CIMAP2: variants seen among roughly 807,000 people sequenced by gnomAD.
The protein encoded by CIMAP2 is ciliary microtubule-associated protein 2.
chr1:54,809,937 C>A, the CIMAP2 span, among the ~76,000 whole-genome samples: 1 of 152,156 alleles, frequency 6.6e-6, no homozygotes, highest in Non-Finnish European at 1.5e-5. Context: ...CACACTCCCC[C>A]TCTCCAATTA....
chr1:54,837,231 C>A, the CIMAP2 span, among the ~76,000 whole-genome samples: 1 of 152,090 alleles, frequency 6.6e-6, no homozygotes, highest in African/African-American at 2.4e-5. Context: ...GCATTTATAG[C>A]CCATGTCCCC....
chr1:54,806,976 G>A, the CIMAP2 span: 1 of 1,605,546 alleles, frequency 6.2e-7, no homozygotes, highest in Non-Finnish European at 8.5e-7. Flanking sequence ...GGCTCTCACT[G>A]GGCCACCGTC....
the CIMAP2 span, among the ~76,000 whole-genome samples, chr1:54,838,546 T>G: frequency 6.6e-6 from 1 of 152,010 alleles, no homozygotes; most frequent in African/African-American, 2.4e-5. Context: ...AATAATTGCT[T>G]TTATTATATA....
the CIMAP2 span, chr1:54,807,760 G>GT: frequency 6.6e-7 from 1 of 1,518,474 alleles, no homozygotes; most frequent in Non-Finnish European, 8.8e-7. Context: ...GCTGCTCTGT[G>GT]TGGCCTTCAG....
chr1:54,807,914 A>G, the CIMAP2 span: 1 of 1,604,962 alleles, frequency 6.2e-7, no homozygotes, highest in East Asian at 2.2e-5. Flanking sequence ...CCCGGCTCCT[A>G]CAACCTCAAA....
the CIMAP2 span, among the ~76,000 whole-genome samples, chr1:54,840,813 A>G: frequency 6.6e-6 from 1 of 152,358 alleles, no homozygotes; most frequent in East Asian, 1.9e-4. Flanking sequence ...ATTTTAAACA[A>G]ATGGGCTGCT....
the CIMAP2 span, among the ~76,000 whole-genome samples, chr1:54,840,808 A>T: frequency 6.6e-6 from 1 of 152,238 alleles, no homozygotes; most frequent in African/African-American, 2.4e-5. Flanking sequence ...TGCACATTTT[A>T]AACAAATGGG....
the CIMAP2 span, among the ~76,000 whole-genome samples, chr1:54,826,774 C>G: frequency 6.6e-6 from 1 of 152,218 alleles, no homozygotes; most frequent in Non-Finnish European, 1.5e-5. Flanking sequence ...TGATCCTGGC[C>G]AGGCCAGCTG....
chr1:54,811,766 C>CGGGGGGGGGCGGG, the CIMAP2 span: 1 of 1,305,190 alleles, frequency 7.7e-7, no homozygotes, highest in Non-Finnish European at 1.1e-6. Context: ...GTTCTGACAG[C>CGGGGGGGGGCGGG]CTCCATGCCC....
the CIMAP2 span, chr1:54,807,138 C>T: frequency 9.2e-6 from 14 of 1,516,740 alleles, no homozygotes; most frequent in South Asian, 1.0e-4. Context: ...ACTGCCCCTT[C>T]GAGCTGCCTG....
At chr1:54,813,127 TTTTG>T in the CIMAP2 span, among the ~76,000 whole-genome samples, 1 of 146,738 alleles carries the variant, frequency 6.8e-6, no homozygotes, top group Non-Finnish European at 1.5e-5. Context: ...CGCTGTTTGC[TTTTG>T]TTTGTGAGAC....
At chr1:54,807,883 G>A in the CIMAP2 span, 4 of 1,570,656 alleles carry the variant, frequency 2.5e-6, no homozygotes, top group Admixed American at 2.0e-5. Flanking sequence ...TCTTCTCTTG[G>A]CACAGGAGCA....
At chr1:54,806,934 C>T in the CIMAP2 span, 8 of 1,489,266 alleles carry the variant, frequency 5.4e-6, no homozygotes, top group South Asian at 6.8e-5. Flanking sequence ...TGCTCCAGAA[C>T]TGCCCACGCC....
chr1:54,821,959 C>T, the CIMAP2 span, among the ~76,000 whole-genome samples: 4 of 77,226 alleles, frequency 5.2e-5, no homozygotes, highest in South Asian at 3.6e-4. Context: ...AGTGCAGTGG[C>T]GGGATCTCGG....
At chr1:54,811,674 G>A in the CIMAP2 span, 19,052 of 1,138,376 alleles carry the variant, frequency 0.017, 240 homozygotes, top group South Asian at 0.036. Context: ...GGTAGCAAGC[G>A]GACACCCTGA....
the CIMAP2 span, among the ~76,000 whole-genome samples, chr1:54,816,321 A>T: frequency 6.6e-6 from 1 of 152,150 alleles, no homozygotes; most frequent in East Asian, 1.9e-4. Context: ...ACCCCTCAGG[A>T]CTGCTTCTCT....
chr1:54,810,564 GC>G, the CIMAP2 span, among the ~76,000 whole-genome samples: 1 of 152,148 alleles, frequency 6.6e-6, no homozygotes, highest in Non-Finnish European at 1.5e-5. Context: ...AGAGGTCCCT[GC>G]CCTTCCCGCC....
chr1:54,808,884 C>T, the CIMAP2 span, among the ~76,000 whole-genome samples: 1 of 152,032 alleles, frequency 6.6e-6, no homozygotes, highest in Non-Finnish European at 1.5e-5. Context: ...CTGTTATCCT[C>T]CCAGCCCCTC....
chr1:54,816,977 T>C, the CIMAP2 span: 1 of 1,614,064 alleles, frequency 6.2e-7, no homozygotes, highest in Non-Finnish European at 8.5e-7. Context: ...TGCCATCCTC[T>C]CCCTGTTGCA....
Sources: allele counts gnomAD v4.1 joint callset (sites outside exome capture counted in the v4.1 genomes callset), GRCh38; gene constraint gnomAD v4.1.1; transcripts MANE v1.5; gene names NCBI Gene and HGNC (gene_info 2026-07-23, HGNC 2026-07-21).